SH2D3C: variants seen among roughly 807,000 people sequenced by gnomAD.
The protein encoded by SH2D3C is SH2 domain-containing protein 3C.
In SH2D3C, 25 loss-of-function variants were observed where a neutral mutation model predicts 75.2. That is an observed-to-expected ratio of 0.33 (90% CI 0.24 to 0.46). The LOEUF is 0.46. SH2D3C is among the 20% of genes least tolerant of loss of function. The pLI is 1.00. For synonymous variants in SH2D3C, 450 were observed against 473.7 expected, an observed-to-expected ratio of 0.95 and a Z score of 0.65; for missense variants, 933 against 1,165.3, an observed-to-expected ratio of 0.80 and a Z score of 2.90.
chr9:127,743,454 T>C (rs896014532), intron 7 of SH2D3C, among the ~76,000 whole-genome samples: 1 of 152,124 alleles, frequency 6.6e-6, no homozygotes, highest in African/African-American at 2.4e-5. Flanking sequence ...AGTGAGCCGA[T>C]ATCACGCCAC....
rs1385589853 is a variant in SH2D3C at position 127,778,213 on chromosome 9, C to T, written c.37+378G>A. 2.6e-5 allele frequency among the ~76,000 whole-genome samples: 4 copies of T among 151,704 alleles called. No homozygotes were observed. In the East Asian group the frequency reaches 7.7e-4, roughly 29 times the overall value. On this transcript the variant is annotated intron_variant, in intron 1 of 11. Transcript: ENST00000314830. ...ATGTTGGCCAGGCTGGTCTCGAACTCCTGACCTCAGGTGATCCACCAGCCT... is the reference window on the plus strand; with the variant it reads ...ATGTTGGCCAGGCTGGTCTCGAACTTCTGACCTCAGGTGATCCACCAGCCT...
At position 127,749,440 on chromosome 9, in the gene SH2D3C, G is replaced by T. The variant is rs756130268; in HGVS notation, c.910C>A (p.Arg304Ser). Residue 304 changes from arginine (R) to serine (S), a missense_variant, in exon 5 of 12, where the codon CGC becomes AGC. Arg to Ser is a moderately radical substitution (Grantham distance 110). Coordinates refer to ENST00000314830, the MANE Select transcript of SH2D3C (RefSeq NM_170600.3). This position sits in a 1 kb window ranked among gnomAD's most constrained non-coding sequence, Gnocchi z 5.9. The stretch of plus-strand genomic sequence containing the variant: ...CCACTCTGCTCTGACACAGCCTTGC[G>T]GCTGCCCACATGATAGCGCACGAGG... ...PALVRYHVGS[R>S]KAVSEQSGAI... 4.3e-6 allele frequency: 7 copies of T among 1,614,072 alleles called. No individual in the cohort carries two copies. In the African/African-American group the frequency reaches 9.3e-5, roughly 22 times the overall value.
intron 2 of SH2D3C, among the ~76,000 whole-genome samples, chr9:127,765,788 A>T (rs951982116): frequency 7.9e-5 from 12 of 152,202 alleles, no homozygotes; most frequent in African/African-American, 2.4e-4. Context: ...ACTCAGCTCC[A>T]CTAATTAATT....
At position 127,744,589 on chromosome 9, in the gene SH2D3C, C is replaced by T. The variant is rs372881875; in HGVS notation, c.1775G>A (p.Arg592Gln). 6.2e-6 allele frequency: 10 copies of T among 1,610,716 alleles called. No individual in the cohort carries two copies. The highest frequency in any genetic ancestry group is 3.3e-4 in the Middle Eastern group (2 of 6,056). The change falls in exon 7 of 12, where the codon CGG becomes CAG. Residue 592 changes from arginine to glutamine, a missense_variant. Arg to Gln is a conservative substitution (Grantham distance 43, BLOSUM62 1). Coordinates refer to ENST00000314830, the MANE Select transcript of SH2D3C (RefSeq NM_170600.3). ...LAEVDARTLARHVTKVDCLVA... is the reference protein window; with the variant it reads ...LAEVDARTLAQHVTKVDCLVA... Reference sequence around the variant, plus strand: ...CAGGCAGTCCACCTTGGTGACATGCCGGGCCAGCGTCCGGGCATCCACTTC... The same window carrying T: ...CAGGCAGTCCACCTTGGTGACATGCTGGGCCAGCGTCCGGGCATCCACTTC...
At chr9:127,753,524 A>T (rs1442623112) in intron 3 of SH2D3C, among the ~76,000 whole-genome samples, 2 of 152,156 alleles carry the variant, frequency 1.3e-5, no homozygotes, top group African/African-American at 4.8e-5. Context: ...AATTCTGCAC[A>T]TCCTCCGGCC....
rs536925287 is a variant in SH2D3C at position 127,773,896 on chromosome 9, A to C, written c.515+94T>G. The C allele has an allele frequency of 5.4e-5, 40 of 736,234 alleles. 1 individual carries two copies. The highest frequency in any genetic ancestry group is 3.6e-4 in the South Asian group (19 of 53,426). 45.6% of individuals were successfully genotyped at this position (736,234 alleles called of 1,614,324 possible). A position where few individuals can be genotyped will look rare whatever the true frequency, so the allele number is the denominator to read the frequency against. ...TCACACCACTGCACTCCAGCCTGAG[A>C]GACAGAGCGACACTCTGTGTCAAAA... is the stretch of plus-strand genomic sequence containing the variant. On this transcript the variant is annotated intron_variant, in intron 2 of 11. Coordinates refer to ENST00000314830, the MANE Select transcript of SH2D3C (RefSeq NM_170600.3).
chr9:127,769,948 G>A (rs1453303659), intron 2 of SH2D3C, among the ~76,000 whole-genome samples: 2 of 152,182 alleles, frequency 1.3e-5, no homozygotes, highest in African/African-American at 2.4e-5. Flanking sequence ...GTCAGCTGGT[G>A]ATCATGCCTG....
rs62587177 is a variant in SH2D3C, at chr9:127,749,175, C to T, written c.1139+36G>A. On this transcript the variant is annotated intron_variant, in intron 5 of 11. Coordinates refer to ENST00000314830, the MANE Select transcript of SH2D3C (RefSeq NM_170600.3). The surrounding 1 kb of genome is among the most constrained non-coding windows in gnomAD (Gnocchi z 5.9). Reference sequence around the variant, plus strand: ...TCTTTCTCACTAGCCCTCTCATTACCCACAACCCCATTTGACAAATGGGGC... The same window carrying T: ...TCTTTCTCACTAGCCCTCTCATTACTCACAACCCCATTTGACAAATGGGGC... 2 of 1,464,898 alleles carry T rather than the reference C, an allele frequency of 1.4e-6. No individual in the cohort carries two copies. The highest frequency in any genetic ancestry group is 2.6e-5 in the South Asian group (2 of 77,888). 90.7% of individuals were successfully genotyped at this position (1,464,898 alleles called of 1,614,324 possible).
chr9:127,777,147 T>G lies in SH2D3C; in HGVS notation c.37+1444A>C, dbSNP rs182712818. ...AATGCAGTCATAATCGCCTCAGCATTGCCATCTGGGAAATGCAGTCACAAT... is the reference window on the plus strand; with the variant it reads ...AATGCAGTCATAATCGCCTCAGCATGGCCATCTGGGAAATGCAGTCACAAT... On this transcript the variant is annotated intron_variant, in intron 1 of 11. Transcript: ENST00000314830. Among the ~76,000 whole-genome samples the G allele has an allele frequency of 2.1e-3, 325 of 151,826 alleles. 1 individual carries two copies. Among genetic ancestry groups the G allele is most frequent in the African/African-American group, 7.4e-3 (307 of 41,520 alleles).
chr9:127,751,110 G>A lies in SH2D3C; in HGVS notation c.684+62C>T, dbSNP rs1845188784. ...TCCCAGGTGGCTGCAGCCAGGGCTG[G>A]GGCTGGCCAAGGCAGTGGGTGGGAG... On this transcript the variant is annotated intron_variant, in intron 4 of 11. Coordinates refer to ENST00000314830, the MANE Select transcript of SH2D3C (RefSeq NM_170600.3). This position sits in a 1 kb window ranked among gnomAD's most constrained non-coding sequence, Gnocchi z 4.1. The A allele has an allele frequency of 1.9e-6, 3 of 1,580,486 alleles. No individual in the cohort carries two copies. Among genetic ancestry groups the A allele is most frequent in the Non-Finnish European group, 2.6e-6 (3 of 1,155,418 alleles).
In SH2D3C at chr9:127,744,578, T is replaced by G; in HGVS notation, c.1786A>C (p.Lys596Gln). The G allele has an allele frequency of 1.9e-6, 3 of 1,609,094 alleles. No homozygotes were observed. The South Asian group carries it at 3.3e-5, about 18-fold the overall frequency. The change falls in exon 7 of 12, where the codon AAG becomes CAG. Residue 596 changes from lysine to glutamine, a missense_variant. Coordinates refer to ENST00000314830, the MANE Select transcript of SH2D3C (RefSeq NM_170600.3). ...CCAGCACCTACCAGGCAGTCCACCTTGGTGACATGCCGGGCCAGCGTCCGG... is the reference window on the plus strand; with the variant it reads ...CCAGCACCTACCAGGCAGTCCACCTGGGTGACATGCCGGGCCAGCGTCCGG... ...DARTLARHVT[K>Q]VDCLVARILG...
rs1190807103 is a variant in SH2D3C at position 127,741,777 on chromosome 9, G to C, written c.2088+11C>G. On this transcript the variant is annotated intron_variant, in intron 9 of 11. Coordinates refer to ENST00000314830, the MANE Select transcript of SH2D3C (RefSeq NM_170600.3). ...GTCTACCGGGTGCCAGCTCTGCGCG[G>C]CTCTCAGTACCTGGGCCATGTCCAG... 1.2e-6 allele frequency: 2 copies of C among 1,612,116 alleles called. No individual in the cohort carries two copies. Among genetic ancestry groups the C allele is most frequent in the Non-Finnish European group, 1.7e-6 (2 of 1,179,412 alleles).
At chr9:127,750,536 G>A (rs879578276) in intron 4 of SH2D3C, among the ~76,000 whole-genome samples, 7 of 152,156 alleles carry the variant, frequency 4.6e-5, no homozygotes, top group Non-Finnish European at 8.8e-5. Flanking sequence ...ATTCTTACCA[G>A]GCACTCTATT....
At chr9:127,763,761 C>G (rs1404949237) in intron 2 of SH2D3C, among the ~76,000 whole-genome samples, 2 of 152,096 alleles carry the variant, frequency 1.3e-5, no homozygotes, top group Non-Finnish European at 2.9e-5. Flanking sequence ...TGTGAGTTCC[C>G]CCAGTCCTAA....
rs781610078 is a variant in SH2D3C, at chr9:127,738,772, G to T, written c.2557C>A (p.Pro853Thr). ...VLTALSHKLE[P>T]AVRSSEL Reference sequence around the variant, plus strand: ...CACAGCTCGCTGGAGCGGACAGCAGGTTCCAGCTTGTGGGACAGGGCAGTG... The same window carrying T: ...CACAGCTCGCTGGAGCGGACAGCAGTTTCCAGCTTGTGGGACAGGGCAGTG... The change falls in exon 12 of 12, where the codon CCT becomes ACT. Residue 853 changes from proline to threonine, a missense_variant. Coordinates refer to ENST00000314830, the MANE Select transcript of SH2D3C (RefSeq NM_170600.3). The surrounding 1 kb of genome is among the most constrained non-coding windows in gnomAD (Gnocchi z 5.0). The T allele has an allele frequency of 6.2e-7, 1 of 1,607,834 alleles. No homozygotes were observed. The highest frequency in any genetic ancestry group is 1.1e-5 in the South Asian group (1 of 89,670).
At position 127,744,842 on chromosome 9, in the gene SH2D3C, A is replaced by T. The variant is rs1588494362; in HGVS notation, c.1522T>A (p.Trp508Arg). 5 of 1,613,472 alleles carry T rather than the reference A, an allele frequency of 3.1e-6. No homozygotes were observed. Among genetic ancestry groups the T allele is most frequent in the Non-Finnish European group, 4.2e-6 (5 of 1,179,862 alleles). The change falls in exon 7 of 12, where the codon TGG becomes AGG. Residue 508 changes from tryptophan to arginine, a missense_variant. By Grantham distance (101) the Trp-to-Arg change is moderately radical (BLOSUM62 -3). Coordinates refer to ENST00000314830, the MANE Select transcript of SH2D3C (RefSeq NM_170600.3). ...LQPPVRGSRE[W>R]AATETSSQQA... ...TGGCTGGAGGTCTCAGTCGCTGCCC[A>T]CTCTCGGCTGCCACGCACGGGAGGC...
chr9:127,771,446 G>T, intron 2 of SH2D3C: 2 of 1,169,788 alleles, frequency 1.7e-6, no homozygotes, highest in East Asian at 3.2e-5. Flanking sequence ...CTCGAACACG[G>T]CCCTCCGCCT....
chr9:127,778,268 G>A (rs1283992612), intron 1 of SH2D3C, among the ~76,000 whole-genome samples: 8 of 149,478 alleles, frequency 5.4e-5, no homozygotes, highest in East Asian at 2.0e-4. Flanking sequence ...GATTACAGGC[G>A]TGAGCCACCA....
chr9:127,744,924 C>T lies in SH2D3C; in HGVS notation c.1440G>A (p.Pro480=), dbSNP rs199821667. Reference sequence around the variant, plus strand: ...CACTGTAGCTGCTGAGTGATGGTGACGGGGAGGCCTTGCCAAGGGTGTGGG... The same window carrying T: ...CACTGTAGCTGCTGAGTGATGGTGATGGGGAGGCCTTGCCAAGGGTGTGGG... ...SPSHTLGKAS[P]SPSLSSYSDP... is the part of the protein sequence containing the mutation. The change falls in exon 7 of 12, where the codon CCG becomes CCA. Residue 480 remains proline (P), a synonymous_variant. Transcript: ENST00000314830. 22 of 1,598,616 alleles carry T rather than the reference C, an allele frequency of 1.4e-5. No homozygotes were observed. The highest frequency in any genetic ancestry group is 1.8e-5 in the Non-Finnish European group (21 of 1,170,426).
Sources: gnomAD v4.1 joint callset for allele counts (sites outside exome capture counted in the v4.1 genomes callset) on GRCh38, gnomAD v4.1.1 for gene constraint, Gnocchi (gnomAD v3.1) non-coding constraint, MANE v1.5 for transcripts, NCBI Gene and HGNC (gene_info 2026-07-23, HGNC 2026-07-21) for gene names.